Variants in CLVS1 observed in about 807,000 individuals in gnomAD.
The protein encoded by CLVS1 is clavesin-1.
In CLVS1, 10 loss-of-function variants were observed where a neutral mutation model predicts 33.1. The observed-to-expected ratio is 0.30, with a 90% CI of 0.19 to 0.51. CLVS1 has a LOEUF of 0.51. Ranked by LOEUF, CLVS1 falls within the 20% of genes least tolerant of loss-of-function variation. The pLI, the probability that CLVS1 is intolerant of heterozygous loss-of-function variation, is 0.97. For missense variants in CLVS1, 343 were observed against 433.4 expected (o/e 0.79, Z 1.85); for synonymous variants, 163 against 166.1 (o/e 0.98, Z 0.14).
At chr8:61,358,090 A>G (rs1222164707) in intron 2 of CLVS1, among the ~76,000 whole-genome samples, 2 of 152,218 alleles carry the variant, frequency 1.3e-5, no homozygotes. Flanking sequence ...TTGATTCACA[A>G]TCTTTCAGTA....
In CLVS1 at chr8:61,238,964, C is replaced by A. The variant is rs552024506; in HGVS notation, c.-151-60713C>A. ...GTGTTAGTGGTCTTGATACATTCTG[C>A]CAAGTTTCTTTCAGGAAGAAGCAAA... On this transcript the variant is annotated intron_variant, in intron 2 of 2. Coordinates refer to the CLVS1 transcript ENST00000522621. Among the ~76,000 whole-genome samples the A allele has an allele frequency of 5.4e-4, 82 of 152,274 alleles. No homozygotes were observed. The Middle Eastern group carries it at 0.01, about 19-fold the overall frequency.
the CLVS1 span, among the ~76,000 whole-genome samples, chr8:60,989,707 T>C: frequency 9.9e-3 from 1,511 of 152,274 alleles, 14 homozygotes; most frequent in Non-Finnish European, 0.017. Flanking sequence ...TTGCCAGTTT[T>C]CAGGAAAACC....
the CLVS1 span, among the ~76,000 whole-genome samples, chr8:60,971,107 A>G: frequency 1.7e-5 from 2 of 114,686 alleles, no homozygotes; most frequent in Admixed American, 1.3e-4. Context: ...ACAGAGTCTG[A>G]CTCTGTCACC....
chr8:61,121,771 C>G (rs1156601578), intron 1 of CLVS1, among the ~76,000 whole-genome samples: 1 of 152,156 alleles, frequency 6.6e-6, no homozygotes, highest in Non-Finnish European at 1.5e-5. Context: ...CACACACACA[C>G]AGACATTAAT....
rs558032704 is a variant in CLVS1, at chr8:61,388,915, T to C, written c.630+12136T>C. Among the ~76,000 whole-genome samples, 7 of 152,256 alleles carry C rather than the reference T, an allele frequency of 4.6e-5. 1 individual carries two copies. Among genetic ancestry groups the C allele is most frequent in the Admixed American group, 4.6e-4 (7 of 15,286 alleles). Reference sequence around the variant, plus strand: ...GTACCCTTGAACAAATTTCTCCCATTCCCCTGCTTCCCCCAACCCTCCCTA... The same window carrying C: ...GTACCCTTGAACAAATTTCTCCCATCCCCCTGCTTCCCCCAACCCTCCCTA... On this transcript the variant is annotated intron_variant, in intron 3 of 5. Transcript: ENST00000325897.
At chr8:61,158,365 T>C (rs931813455) in intron 2 of CLVS1, among the ~76,000 whole-genome samples, 10 of 152,182 alleles carry the variant, frequency 6.6e-5, no homozygotes, top group Admixed American at 6.5e-4. Context: ...ATGGAAGTGC[T>C]CACCATTTGA....
chr8:61,023,654 C>A, the CLVS1 span, among the ~76,000 whole-genome samples: 1 of 152,160 alleles, frequency 6.6e-6, no homozygotes, highest in African/African-American at 2.4e-5. Context: ...GCGCTCGTGG[C>A]GGGCCCGGTG....
intron 2 of CLVS1, among the ~76,000 whole-genome samples, chr8:61,253,772 C>A (rs984573614): frequency 9.2e-5 from 14 of 152,230 alleles, no homozygotes; most frequent in African/African-American, 3.1e-4. Flanking sequence ...TCAGCTCCAT[C>A]AGGTCCTTTA....
intron 2 of CLVS1, among the ~76,000 whole-genome samples, chr8:61,344,751 T>C (rs1373943128): frequency 2.0e-5 from 3 of 152,226 alleles, no homozygotes; most frequent in African/African-American, 7.2e-5. Context: ...TTTCCCTTTT[T>C]GAAGGAGCTA....
chr8:61,135,562 G>A (rs2129291961), intron 2 of CLVS1, among the ~76,000 whole-genome samples: 1 of 152,334 alleles, frequency 6.6e-6, no homozygotes, highest in East Asian at 1.9e-4. Context: ...AGGAATAAGA[G>A]CAAGAGAAAG....
chr8:61,083,813 T>C (rs1486028064), intron 1 of CLVS1, among the ~76,000 whole-genome samples: 1 of 151,880 alleles, frequency 6.6e-6, no homozygotes, highest in Non-Finnish European at 1.5e-5. Flanking sequence ...TAGAAGAAAA[T>C]TTTCCTGCGT....
At chr8:61,465,883 C>G (rs562503394) in intron 5 of CLVS1, 1 of 152,330 alleles carries the variant, frequency 6.6e-6, no homozygotes, top group African/African-American at 2.4e-5. Flanking sequence ...AGGATGGTCT[C>G]GATCTCTTGA....
chr8:61,199,322 C>A (rs1464720532), intron 2 of CLVS1, among the ~76,000 whole-genome samples: 1 of 151,960 alleles, frequency 6.6e-6, no homozygotes, highest in Non-Finnish European at 1.5e-5. Flanking sequence ...AACAGACAAC[C>A]TAAAGAATGG....
intron 2 of CLVS1, among the ~76,000 whole-genome samples, chr8:61,148,483 T>C (rs1216683126): frequency 1.3e-5 from 2 of 152,128 alleles, no homozygotes; most frequent in Admixed American, 1.3e-4. Context: ...CCACTCTCAT[T>C]GATACAGTGA....
At chr8:61,289,159 G>A (rs567690824) in intron 1 of CLVS1, among the ~76,000 whole-genome samples, 107 of 152,322 alleles carry the variant, frequency 7.0e-4, no homozygotes, top group African/African-American at 2.3e-3. Context: ...CTCAGATTTG[G>A]AAGGCGAGAT....
chr8:61,056,605 C>T (rs901862079), upstream of CLVS1, among the ~76,000 whole-genome samples: 3 of 152,208 alleles, frequency 2.0e-5, no homozygotes, highest in African/African-American at 7.2e-5. Flanking sequence ...TTAGACTTCA[C>T]ATAGACCACC....
At chr8:61,392,060 A>C (rs1028358140) in intron 3 of CLVS1, among the ~76,000 whole-genome samples, 2 of 152,222 alleles carry the variant, frequency 1.3e-5, no homozygotes, top group African/African-American at 4.8e-5. Context: ...CATTAGCCCA[A>C]GTATAATACA....
intron 2 of CLVS1, among the ~76,000 whole-genome samples, chr8:61,145,532 C>T (rs1279003905): frequency 6.6e-6 from 1 of 152,206 alleles, no homozygotes; most frequent in Non-Finnish European, 1.5e-5. Context: ...GAGGAGGAGC[C>T]AGGCCAGGTC....
chr8:61,363,619 T>G (rs1466373036), intron 2 of CLVS1, among the ~76,000 whole-genome samples: 1 of 152,234 alleles, frequency 6.6e-6, no homozygotes, highest in Non-Finnish European at 1.5e-5. Context: ...CACAGAACTT[T>G]GGATAGGAAA....
Sources: allele counts gnomAD v4.1 joint callset (sites outside exome capture counted in the v4.1 genomes callset), GRCh38; gene constraint gnomAD v4.1.1; transcripts MANE v1.5; gene names NCBI Gene and HGNC (gene_info 2026-07-23, HGNC 2026-07-21).